The following CAND1 variants were observed in gnomAD, a reference collection of about 807,000 sequenced individuals.
The protein encoded by CAND1 is cullin associated and neddylation dissociated 1.
Under a neutral mutation model 108.5 loss-of-function variants are expected in CAND1, and 7 were observed. That is an observed-to-expected ratio of 0.06 (90% CI 0.04 to 0.12). The LOEUF is 0.12. Among genes scored for constraint, CAND1 ranks in the 10% least tolerant of loss-of-function variants. CAND1 has a pLI of 1.00. For synonymous variants in CAND1, 534 were observed against 512.0 expected (o/e 1.04, Z -0.58); for missense variants, 941 against 1,448.7 (o/e 0.65, Z 5.69).
intron 6 of CAND1, 90 bp downstream of exon 6, chr12:67,297,943 C>G (rs2044786319): frequency 1.1e-5 from 7 of 632,650 alleles, no homozygotes; most frequent in Non-Finnish European, 1.9e-5. Context: ...GGAGAAGCGG[C>G]CTTTTGGATT....
chr12:67,290,597 T>C (rs2044713615), intron 2 of CAND1, among the ~76,000 whole-genome samples: 4 of 152,212 alleles, frequency 2.6e-5, no homozygotes, highest in Admixed American at 2.6e-4. Flanking sequence ...TAAAAGTTTT[T>C]TTAAATTTGT....
intron 1 of CAND1, among the ~76,000 whole-genome samples, chr12:67,279,174 CA>C (rs3970784): frequency 0.022 from 3,106 of 139,974 alleles, 42 homozygotes; most frequent in Non-Finnish European, 0.034. Context: ...TCCCCACCAC[CA>C]AAAAAAAAAA....
chr12:67,319,121 C>T lies in CAND1; in HGVS notation c.*6291C>T, dbSNP rs974660021. On this transcript the variant is annotated 3_prime_UTR_variant, in exon 15 of 15. Transcript: ENST00000545606. ...CTTGGAAACCACCACATTAAAATACCCAGAAGGCATTAATTCCCAGTCCTT... is the reference window on the plus strand; with the variant it reads ...CTTGGAAACCACCACATTAAAATACTCAGAAGGCATTAATTCCCAGTCCTT... The T allele has an allele frequency of 6.6e-6, 1 of 152,102 alleles. No individual in the cohort carries two copies. The highest frequency in any genetic ancestry group is 1.5e-5 in the Non-Finnish European group (1 of 68,028). The allele number at this position is 152,102 out of a possible 1,614,324, so 9.4% of individuals were successfully genotyped here. A position where few individuals can be genotyped will look rare whatever the true frequency, so the allele number is the denominator to read the frequency against.
Position 67,269,643 on chromosome 12 carries a change from T to TGGCGGC in CAND1, c.-62_-57dup, listed in dbSNP as rs557106057. The TGGCGGC allele has an allele frequency of 4.9e-5, 64 of 1,315,660 alleles. No homozygotes were observed. The East Asian group carries it at 5.6e-4, about 11-fold the overall frequency. The allele number at this position is 1,315,660 out of a possible 1,614,324, so 81.5% of individuals were successfully genotyped here. On this transcript the variant is annotated 5_prime_UTR_variant, in exon 1 of 15. Transcript: ENST00000545606. The stretch of plus-strand genomic sequence containing the variant: ...CCGCGAGCGAGAGGAGGAGCTCCAG[T>TGGCGGC]GGCGGCGGCGGCGGCGGCAGCGGCA...
Position 67,313,584 on chromosome 12 carries a change from G to T in CAND1, c.*754G>T, listed in dbSNP as rs1003698341. ...AAGAAAGGAGAATTTTTGAGACTTG[G>T]GTTTTCTTAATGCCAGTGTGAATTT... On this transcript the variant is annotated 3_prime_UTR_variant, in exon 15 of 15. Coordinates refer to ENST00000545606, the MANE Select transcript of CAND1 (RefSeq NM_018448.5). The T allele has an allele frequency of 6.6e-6, 1 of 152,428 alleles. No individual in the cohort carries two copies. The highest frequency in any genetic ancestry group is 1.5e-5 in the Non-Finnish European group (1 of 67,956). 9.4% of individuals were successfully genotyped at this position (152,428 alleles called of 1,614,324 possible). A position where few individuals can be genotyped will look rare whatever the true frequency, so the allele number is the denominator to read the frequency against.
intron 3 of CAND1, among the ~76,000 whole-genome samples, chr12:67,293,813 A>G (rs1171197019): frequency 6.6e-6 from 1 of 152,150 alleles, no homozygotes; most frequent in East Asian, 1.9e-4. Context: ...ATTTCCACTC[A>G]TGTACTTGAA....
chr12:67,289,978 G>A (rs954092149), intron 2 of CAND1, among the ~76,000 whole-genome samples: 5 of 151,902 alleles, frequency 3.3e-5, no homozygotes, highest in Non-Finnish European at 7.4e-5. Flanking sequence ...ACTTATGCTT[G>A]AAAAAATGCA....
chr12:67,297,957 GATAT>G (rs1312944897), intron 6 of CAND1, 104 bp downstream of exon 6: 4 of 581,184 alleles, frequency 6.9e-6, no homozygotes, highest in Non-Finnish European at 1.2e-5. Flanking sequence ...TTGGATTTCA[GATAT>G]AACAGACAAT....
chr12:67,295,932 A>T (rs1466575218), intron 4 of CAND1, among the ~76,000 whole-genome samples: 1 of 152,210 alleles, frequency 6.6e-6, no homozygotes, highest in Non-Finnish European at 1.5e-5. Context: ...TTAAAATGGA[A>T]GGATTCAAGA....
intron 2 of CAND1, among the ~76,000 whole-genome samples, chr12:67,290,132 A>T (rs1285031513): frequency 1.3e-5 from 2 of 152,218 alleles, no homozygotes; most frequent in Admixed American, 6.5e-5. Flanking sequence ...TTGTTTCAAT[A>T]TGCATTCTAC....
At chr12:67,282,659 TGGGATTATA>T (rs1274048376) in intron 2 of CAND1, among the ~76,000 whole-genome samples, 1 of 152,170 alleles carries the variant, frequency 6.6e-6, no homozygotes, top group Non-Finnish European at 1.5e-5. Context: ...CCCAAAGTGC[TGGGATTATA>T]GGCATGAGCC....
chr12:67,307,407 T>C lies in CAND1; in HGVS notation c.2940T>C (p.Tyr980=), dbSNP rs772754188. Residue 980 remains tyrosine (Y), a synonymous_variant, in exon 11 of 15, where the codon TAT becomes TAC. Transcript: ENST00000545606. ...TTTATTTTTAACTAGGCTCATCATA[T>C]GCCCGAAGCTCAGTGGTTACGGCTG... ...LKGYLISGSS[Y]ARSSVVTAVK... is the part of the protein sequence containing the mutation. The C allele has an allele frequency of 1.3e-5, 21 of 1,610,768 alleles. No homozygotes were observed. In the East Asian group the frequency reaches 1.8e-4, roughly 14 times the overall value.
chr12:67,306,337 A>G lies in CAND1; in HGVS notation c.2669A>G (p.Glu890Gly), dbSNP rs1028991316. 5.0e-6 allele frequency: 8 copies of G among 1,614,144 alleles called. No homozygotes were observed. The highest frequency in any genetic ancestry group is 5.9e-6 in the Non-Finnish European group (7 of 1,179,996). The change falls in exon 10 of 15, where the codon GAA (glutamate) becomes GGA (glycine). Residue 890 changes from glutamate (E) to glycine (G), a missense_variant. By Grantham distance (98) the Glu-to-Gly change is moderately conservative. Coordinates refer to ENST00000545606, the MANE Select transcript of CAND1 (RefSeq NM_018448.5). ...LGSISVGNLPEYLPFVLQEIT... is the reference protein window; with the variant it reads ...LGSISVGNLPGYLPFVLQEIT... ...AGCATTAGTGTGGGCAACCTTCCTG[A>G]ATATCTGCCGTTTGTCCTGCAAGAA...
chr12:67,291,761 C>T (rs2044724276), intron 2 of CAND1, among the ~76,000 whole-genome samples: 1 of 152,138 alleles, frequency 6.6e-6, no homozygotes, highest in Non-Finnish European at 1.5e-5. Flanking sequence ...CACCATGGCA[C>T]TCAAAGGGTT....
Position 67,314,675 on chromosome 12 carries a change from C to A in CAND1, c.*1845C>A, listed in dbSNP as rs1400873216. 6.6e-6 allele frequency: 1 copy of A among 152,126 alleles called. No individual in the cohort carries two copies. The highest frequency in any genetic ancestry group is 1.5e-5 in the Non-Finnish European group (1 of 68,012). 9.4% of individuals were successfully genotyped at this position (152,126 alleles called of 1,614,324 possible). A position where few individuals can be genotyped will look rare whatever the true frequency, so the allele number is the denominator to read the frequency against. On this transcript the variant is annotated 3_prime_UTR_variant, in exon 15 of 15. Coordinates refer to ENST00000545606, the MANE Select transcript of CAND1 (RefSeq NM_018448.5). ...ATGTCTTAGTTGGGTAAAGTTAAAT[C>A]CAAATACTTCAACTGGCTTTTTCTT...
At chr12:67,287,939 G>A (rs2044687681) in intron 2 of CAND1, among the ~76,000 whole-genome samples, 1 of 141,736 alleles carries the variant, frequency 7.1e-6, no homozygotes, top group South Asian at 2.2e-4. Context: ...TTTTTTACTG[G>A]TTTATAATTG....
In CAND1 at chr12:67,269,711, C is replaced by A. The variant is rs1266338956; in HGVS notation, c.-7C>A. ...CAGCGCCAGCAGGCGGGATCGAGGC[C>A]GTCAACATGGCGAGCGCCTCGTACC... is the stretch of plus-strand genomic sequence containing the variant. On this transcript the variant is annotated 5_prime_UTR_variant, in exon 1 of 15. Transcript: ENST00000545606. 10 of 1,601,400 alleles carry A rather than the reference C, an allele frequency of 6.2e-6. No individual in the cohort carries two copies. In the South Asian group the frequency reaches 1.1e-4, roughly 18 times the overall value.
At position 67,309,511 on chromosome 12, in the gene CAND1, G is replaced by A. The variant is rs116688213; in HGVS notation, c.3026-390G>A. 6.3e-3 allele frequency among the ~76,000 whole-genome samples: 957 copies of A among 151,896 alleles called. 10 individuals carry two copies. Among genetic ancestry groups the A allele is most frequent in the African/African-American group, 0.022 (902 of 41,468 alleles). ...TTTTTTTATTCTTATTTTGAACTTA[G>A]TTTAAAAATATTTTTGTTGCTGCTT... On this transcript the variant is annotated intron_variant, in intron 11 of 14. Transcript: ENST00000545606.
Position 67,306,125 on chromosome 12 carries a change from T to G in CAND1, c.2457T>G (p.Gly819=), listed in dbSNP as rs770763397. 2.0e-5 allele frequency: 32 copies of G among 1,613,984 alleles called. No homozygotes were observed. Among genetic ancestry groups the G allele is most frequent in the Non-Finnish European group, 2.7e-5 (32 of 1,180,002 alleles). ...ACPKEGPAVV[G]QFIQDVKNSR... ...CTAAAGAGGGACCAGCTGTAGTAGG[T>G]CAGTTTATTCAAGATGTCAAGAACT... The change falls in exon 10 of 15, where the codon GGT becomes GGG. Residue 819 remains glycine (G), a synonymous_variant. Coordinates refer to ENST00000545606, the MANE Select transcript of CAND1 (RefSeq NM_018448.5).
Sources: allele counts gnomAD v4.1 joint callset (sites outside exome capture counted in the v4.1 genomes callset), GRCh38; gene constraint gnomAD v4.1.1; transcripts MANE v1.5; gene names NCBI Gene and HGNC (gene_info 2026-07-23, HGNC 2026-07-21).